The following DOK6 variants were observed in gnomAD, a reference collection of about 807,000 sequenced individuals.
DOK6 encodes docking protein 6.
Under a neutral mutation model 44.0 loss-of-function variants are expected in DOK6, and 22 were observed. The observed-to-expected ratio is 0.50, with a 90% confidence interval of 0.36 to 0.71. The LOEUF is 0.71. Ranked by LOEUF, DOK6 falls within the 30% of genes least tolerant of loss-of-function variation. The probability of loss-of-function intolerance (pLI) is 0.00; values close to 1 mark genes in which losing one functional copy is unlikely to be tolerated. For missense variants in DOK6, 340 were observed against 416.4 expected (o/e 0.82, Z 1.60); for synonymous variants, 166 against 145.5 (o/e 1.14, Z -1.01).
intron 1 of DOK6, among the ~76,000 whole-genome samples, chr18:69,478,144 A>G (rs1980319078): frequency 6.6e-6 from 1 of 152,174 alleles, no homozygotes; most frequent in African/African-American, 2.4e-5. Flanking sequence ...TGTTTATTCT[A>G]TACTCCCATT....
intron 1 of DOK6, among the ~76,000 whole-genome samples, chr18:69,428,560 G>C (rs531067168): frequency 6.6e-6 from 1 of 152,066 alleles, no homozygotes; most frequent in East Asian, 1.9e-4. Context: ...TCCTTAAGAG[G>C]ATAACTCTAG....
chr18:69,645,292 C>T (rs1444582271), intron 3 of DOK6, among the ~76,000 whole-genome samples: 3 of 152,198 alleles, frequency 2.0e-5, no homozygotes, highest in Non-Finnish European at 4.4e-5. Context: ...TTCCCAACTG[C>T]TGACAACCAC....
At chr18:69,402,459 G>A (rs1378936006) in intron 1 of DOK6, among the ~76,000 whole-genome samples, 4 of 152,218 alleles carry the variant, frequency 2.6e-5, no homozygotes. Context: ...TAGTGTTAGA[G>A]AGTGGAAGAA....
chr18:69,527,834 C>A lies in DOK6; in HGVS notation c.67-36653C>A, dbSNP rs535888768. On this transcript the variant is annotated intron_variant, in intron 1 of 7. Coordinates refer to ENST00000382713, the MANE Select transcript of DOK6 (RefSeq NM_152721.6). ...ACAGTCACTGTTGGTGAACTTTAAA[C>A]CTAGTTATAATCATAAAGGTTACTT... Among the ~76,000 whole-genome samples, 16 of 152,112 alleles carry A rather than the reference C, an allele frequency of 1.1e-4. No individual in the cohort carries two copies. The South Asian group carries it at 3.3e-3, about 32-fold the overall frequency.
intron 7 of DOK6, among the ~76,000 whole-genome samples, chr18:69,821,064 A>T (rs901767344): frequency 2.6e-5 from 4 of 152,208 alleles, no homozygotes; most frequent in Non-Finnish European, 5.9e-5. Flanking sequence ...TTAAATTTTT[A>T]AAAAATATTC....
intron 1 of DOK6, among the ~76,000 whole-genome samples, chr18:69,490,577 C>T (rs543580416): frequency 2.6e-5 from 4 of 151,986 alleles, no homozygotes; most frequent in South Asian, 4.1e-4. Context: ...TTTTTTATTA[C>T]GTAATACAAA....
intron 1 of DOK6, among the ~76,000 whole-genome samples, chr18:69,402,108 A>T (rs1485599684): frequency 6.6e-6 from 1 of 152,018 alleles, no homozygotes; most frequent in East Asian, 1.9e-4. Context: ...AGCAGCCTAG[A>T]CTTGGGACGC....
chr18:69,740,095 C>T (rs372854228), intron 6 of DOK6, among the ~76,000 whole-genome samples: 1 of 152,216 alleles, frequency 6.6e-6, no homozygotes, highest in South Asian at 2.1e-4. Context: ...AAAAAAGAGC[C>T]TTCCTAACAC....
At chr18:69,507,014 G>T (rs763249623) in intron 1 of DOK6, among the ~76,000 whole-genome samples, 1 of 151,534 alleles carries the variant, frequency 6.6e-6, no homozygotes, top group Non-Finnish European at 1.5e-5. Context: ...GGTAATTATA[G>T]GTTTTTGTGT....
Position 69,698,389 on chromosome 18 carries a change from T to C in DOK6, c.410-15T>C. 6.3e-7 allele frequency: 1 copy of C among 1,595,082 alleles called. No homozygotes were observed. The highest frequency in any genetic ancestry group is 8.5e-7 in the Non-Finnish European group (1 of 1,170,014). ...TCTTTTCACTTAACCTTCTCCATTCTTCGTCTCTTCACAGAGAGATTCAAC... is the reference window on the plus strand; with the variant it reads ...TCTTTTCACTTAACCTTCTCCATTCCTCGTCTCTTCACAGAGAGATTCAAC... On this transcript the variant is annotated splice_polypyrimidine_tract_variant and intron_variant, in intron 4 of 7. Coordinates refer to ENST00000382713, the MANE Select transcript of DOK6 (RefSeq NM_152721.6).
At chr18:69,708,582 C>T (rs910461904) in intron 5 of DOK6, among the ~76,000 whole-genome samples, 3 of 152,010 alleles carry the variant, frequency 2.0e-5, no homozygotes, top group Non-Finnish European at 2.9e-5. Flanking sequence ...GTCAGGAGTT[C>T]GAGACCAGCC....
At chr18:69,769,682 T>A (rs977130389) in intron 7 of DOK6, among the ~76,000 whole-genome samples, 2 of 152,130 alleles carry the variant, frequency 1.3e-5, no homozygotes, top group Admixed American at 1.3e-4. Flanking sequence ...TCCCAGCTTC[T>A]TTAGAGGCAT....
At chr18:69,561,779 T>C (rs1233104038) in intron 1 of DOK6, among the ~76,000 whole-genome samples, 1 of 152,184 alleles carries the variant, frequency 6.6e-6, no homozygotes, top group Non-Finnish European at 1.5e-5. Flanking sequence ...CTTACGGATA[T>C]GCTTGGTTGT....
intron 7 of DOK6, among the ~76,000 whole-genome samples, chr18:69,834,922 A>G (rs1815314743): frequency 6.6e-6 from 1 of 152,216 alleles, no homozygotes; most frequent in Non-Finnish European, 1.5e-5. Context: ...AGTTACAATC[A>G]TGGCGAAAGG....
intron 3 of DOK6, among the ~76,000 whole-genome samples, chr18:69,608,957 A>AAAAC (rs1157183100): frequency 6.6e-6 from 1 of 151,628 alleles, no homozygotes; most frequent in Non-Finnish European, 1.5e-5. Flanking sequence ...CTCAAAAAAA[A>AAAAC]AAAAAAACTT....
chr18:69,583,775 C>T (rs1358104070), intron 2 of DOK6, among the ~76,000 whole-genome samples: 3 of 139,146 alleles, frequency 2.2e-5, no homozygotes, highest in Admixed American at 7.0e-5. Flanking sequence ...AAAAAAAAAG[C>T]GTTATCTTAA....
intron 3 of DOK6, among the ~76,000 whole-genome samples, chr18:69,644,194 G>C (rs2144656654): frequency 6.6e-6 from 1 of 152,088 alleles, no homozygotes; most frequent in Admixed American, 6.5e-5. Flanking sequence ...TTTTCCCTTA[G>C]TCTATAGCCT....
At chr18:69,601,287 T>C (rs1229022675) in intron 3 of DOK6, among the ~76,000 whole-genome samples, 1 of 152,232 alleles carries the variant, frequency 6.6e-6, no homozygotes, top group Non-Finnish European at 1.5e-5. Context: ...TACATCCTGA[T>C]ACTTAGAGCA....
At chr18:69,601,355 T>A (rs1207874653) in intron 3 of DOK6, among the ~76,000 whole-genome samples, 1 of 152,236 alleles carries the variant, frequency 6.6e-6, no homozygotes, top group Non-Finnish European at 1.5e-5. Context: ...GCTCCCATCA[T>A]CTCAAGTTCT....
Sources: gnomAD v4.1 joint callset for allele counts (sites outside exome capture counted in the v4.1 genomes callset) on GRCh38, gnomAD v4.1.1 for gene constraint, MANE v1.5 for transcripts, NCBI Gene and HGNC (gene_info 2026-07-23, HGNC 2026-07-21) for gene names.